Variants in SUPT6H observed in about 807,000 individuals in gnomAD.
The protein encoded by SUPT6H is transcription elongation factor SPT6.
SUPT6H carries 11 observed loss-of-function variants against 222.3 expected under a neutral mutation model. The observed-to-expected ratio is 0.05, with a 90% CI of 0.03 to 0.08. The LOEUF (loss-of-function observed/expected upper bound fraction) is 0.08, where lower values mean the gene tolerates loss of function less well. Ranked by LOEUF, SUPT6H falls within the 10% of genes least tolerant of loss-of-function variation. The pLI, the probability that SUPT6H is intolerant of heterozygous loss-of-function variation, is 1.00. For synonymous variants in SUPT6H, 762 were observed against 801.2 expected, an observed-to-expected ratio of 0.95 and a Z score of 0.83; for missense variants, 1,422 against 2,216.0, an observed-to-expected ratio of 0.64 and a Z score of 7.19.
chr17:28,684,079 G>A (rs752275522), intron 17 of SUPT6H, among the ~76,000 whole-genome samples: 1 of 151,934 alleles, frequency 6.6e-6, no homozygotes. Flanking sequence ...AGCCAGGATG[G>A]TCTCAATCTC....
chr17:28,675,298 C>T, intron 5 of SUPT6H, 103 bp from the exon 6 acceptor site: 1 of 1,484,062 alleles, frequency 6.7e-7, no homozygotes, highest in Non-Finnish European at 9.3e-7. Context: ...CAGGAGCTTC[C>T]CTTCTCTGTT....
chr17:28,675,735 T>G, intron 6 of SUPT6H, among the ~76,000 whole-genome samples: 1 of 152,248 alleles, frequency 6.6e-6, no homozygotes, highest in Non-Finnish European at 1.5e-5. Flanking sequence ...AGCATTCCTC[T>G]TCCGCCTACA....
At position 28,683,672 on chromosome 17, in the gene SUPT6H, A is replaced by T; in HGVS notation, c.2085A>T (p.Arg695=). ...YFEEIKQFYY[R]DEFSHQVQEW... is the part of the protein sequence containing the mutation. ...AGGAGATAAAACAGTTTTACTACCGAGATGAGTTCAGCCACCAGGTGCAGG... is the reference window on the plus strand; with the variant it reads ...AGGAGATAAAACAGTTTTACTACCGTGATGAGTTCAGCCACCAGGTGCAGG... The change falls in exon 17 of 37, where the codon CGA becomes CGT. Residue 695 remains arginine, a synonymous_variant. Coordinates refer to ENST00000314616, the MANE Select transcript of SUPT6H (RefSeq NM_003170.5). 6.2e-7 allele frequency: 1 copy of T among 1,614,174 alleles called. No homozygotes were observed.
intron 26 of SUPT6H, 113 bp downstream of exon 26, chr17:28,690,342 G>A: frequency 7.6e-7 from 1 of 1,312,468 alleles, no homozygotes. Flanking sequence ...ACATGGGGAA[G>A]GCCAGGAGAG....
chr17:28,674,645 G>T, intron 4 of SUPT6H, 32 bp downstream of exon 4: 2 of 1,606,408 alleles, frequency 1.2e-6, no homozygotes, highest in Non-Finnish European at 8.5e-7. Context: ...TTGTCCCTGG[G>T]GGTAAAGGAA....
Position 28,697,719 on chromosome 17 carries a change from G to A in SUPT6H, c.4309G>A (p.Gly1437Ser), listed in dbSNP as rs190961772. ...TCACAAGTATTATCAGGACTGCAGCGGTGGGGACCGCAAGGTAAGCCCAGG... is the reference window on the plus strand; with the variant it reads ...TCACAAGTATTATCAGGACTGCAGCAGTGGGGACCGCAAGGTAAGCCCAGG... ...LNHKYYQDCSGGDRKKLEELL... is the reference protein window; with the variant it reads ...LNHKYYQDCSSGDRKKLEELL... The change falls in exon 31 of 37, where the codon GGT (glycine) becomes AGT (serine). Residue 1437 changes from glycine (G) to serine (S), a missense_variant. Physicochemically the swap from Gly to Ser is moderately conservative, Grantham distance 56. Transcript: ENST00000314616. 78 of 1,614,174 alleles carry A rather than the reference G, an allele frequency of 4.8e-5. No individual in the cohort carries two copies. The highest frequency in any genetic ancestry group is 5.9e-5 in the Non-Finnish European group (70 of 1,180,014).
chr17:28,679,573 G>C (rs984387133), intron 11 of SUPT6H, among the ~76,000 whole-genome samples: 6 of 151,742 alleles, frequency 4.0e-5, no homozygotes, highest in Non-Finnish European at 5.9e-5. Flanking sequence ...GTAGAGACAG[G>C]GTTTCAGTGT....
chr17:28,667,288 G>A (rs532531755), intron 1 of SUPT6H, among the ~76,000 whole-genome samples: 2 of 144,968 alleles, frequency 1.4e-5, no homozygotes, highest in South Asian at 4.4e-4. Context: ...GGAGAATGGC[G>A]TGACCCCAGG....
chr17:28,699,727 T>A, intron 32 of SUPT6H, 54 bp from the exon 33 acceptor site: 1 of 1,483,838 alleles, frequency 6.7e-7, no homozygotes, highest in South Asian at 1.1e-5. Context: ...TTCTGGTCGC[T>A]CTTGTGGTGG....
chr17:28,684,497 T>C (rs1410356388), intron 17 of SUPT6H, 89 bp from the exon 18 acceptor site: 1 of 1,509,890 alleles, frequency 6.6e-7, no homozygotes, highest in Non-Finnish European at 9.1e-7. Context: ...CGCACATGTG[T>C]GTATGAGTGT....
At position 28,686,333 on chromosome 17, in the gene SUPT6H, A is replaced by G. The variant is rs199758481; in HGVS notation, c.2488-6A>G. The G allele has an allele frequency of 8.1e-6, 13 of 1,613,948 alleles. No individual in the cohort carries two copies. The highest frequency in any genetic ancestry group is 2.5e-6 in the Non-Finnish European group (3 of 1,179,928). The stretch of plus-strand genomic sequence containing the variant: ...GCCATTCAGCTTCAATTTTCTTTCA[A>G]TCCAGGCTCAAGACATTGAAACGCT... On this transcript the variant is annotated splice_polypyrimidine_tract_variant and splice_region_variant and intron_variant, in intron 19 of 36. Transcript: ENST00000314616.
intron 1 of SUPT6H, chr17:28,670,221 A>G (rs1024481807): frequency 6.6e-6 from 1 of 152,220 alleles, no homozygotes; most frequent in Non-Finnish European, 1.5e-5. Context: ...CACCTTGAAC[A>G]AATGACTACA....
intron 7 of SUPT6H, among the ~76,000 whole-genome samples, chr17:28,677,047 T>C (rs1330189575): frequency 6.9e-6 from 1 of 145,110 alleles, no homozygotes; most frequent in South Asian, 2.2e-4. Context: ...TGGCCAACAT[T>C]GTGAAACCCC....
In SUPT6H at chr17:28,674,284, T is replaced by G; in HGVS notation, c.111T>G (p.Asp37Glu). ...TKKFVEEEDDDEEEEEENLDD... is the reference protein window; with the variant it reads ...TKKFVEEEDDEEEEEEENLDD... Reference sequence around the variant, plus strand: ...GCCTCAAACATGCATGTCTTCCAGATGAGGAGGAGGAGGAGGAGAACCTAG... The same window carrying G: ...GCCTCAAACATGCATGTCTTCCAGAGGAGGAGGAGGAGGAGGAGAACCTAG... Residue 37 changes from aspartate to glutamate, a missense_variant and splice_region_variant, in exon 3 of 37, where the codon GAT becomes GAG. Asp to Glu is a conservative substitution (Grantham distance 45). This residue lies in a region of SUPT6H where 89 missense variants were observed against 118.9 expected (regional missense o/e 0.75). Coordinates refer to ENST00000314616, the MANE Select transcript of SUPT6H (RefSeq NM_003170.5). 1.2e-6 allele frequency: 2 copies of G among 1,612,988 alleles called. No homozygotes were observed. Among genetic ancestry groups the G allele is most frequent in the Non-Finnish European group, 1.7e-6 (2 of 1,179,344 alleles).
intron 12 of SUPT6H, 38 bp from the exon 13 acceptor site, chr17:28,681,844 A>G: frequency 6.4e-7 from 1 of 1,562,226 alleles, no homozygotes; most frequent in Non-Finnish European, 8.7e-7. Context: ...GAGTGATTGG[A>G]AACTAGAACC....
At chr17:28,685,466 TATTATC>T (rs1242189531) in intron 19 of SUPT6H, among the ~76,000 whole-genome samples, 3 of 113,640 alleles carry the variant, frequency 2.6e-5, no homozygotes, top group East Asian at 2.6e-4. Context: ...TAAATTTTAT[TATTATC>T]ATTATTATTA....
rs2031239025 is a variant in SUPT6H, at chr17:28,683,753, T to C, written c.2166T>C (p.Tyr722=). The change falls in exon 17 of 37, where the codon TAT becomes TAC. Residue 722 remains tyrosine, a synonymous_variant. Coordinates refer to ENST00000314616, the MANE Select transcript of SUPT6H (RefSeq NM_003170.5). The part of the protein sequence containing the change: ...AIERALQQFL[Y]VQMAKELKNK... ...AACGGGCTTTACAGCAGTTCCTCTA[T>C]GTGCAGATGGCCAAAGAACTCAAGA... The C allele has an allele frequency of 1.2e-6, 2 of 1,613,916 alleles. No individual in the cohort carries two copies. The highest frequency in any genetic ancestry group is 1.7e-6 in the Non-Finnish European group (2 of 1,180,012).
Position 28,688,737 on chromosome 17 carries a change from C to G in SUPT6H, c.3134+519C>G, listed in dbSNP as rs1293268924. On this transcript the variant is annotated intron_variant, in intron 24 of 36. Coordinates refer to ENST00000314616, the MANE Select transcript of SUPT6H (RefSeq NM_003170.5). The surrounding 1 kb of genome is among the most constrained non-coding windows in gnomAD (Gnocchi z 4.3). ...GGATCTTTTCCACGGGCACATAGCT[C>G]CTCATTCAGTAATGGAAATCAGTGG... 1 of 154,262 alleles carries G rather than the reference C, an allele frequency of 6.5e-6. No homozygotes were observed. The highest frequency in any genetic ancestry group is 6.4e-5 in the Admixed American group (1 of 15,510). The allele number at this position is 154,262 out of a possible 1,614,324, so 9.6% of individuals were successfully genotyped here.
intron 29 of SUPT6H, 90 bp downstream of exon 29, chr17:28,695,637 T>G: frequency 7.0e-7 from 1 of 1,423,064 alleles, no homozygotes; most frequent in Non-Finnish European, 9.5e-7. Flanking sequence ...CATGTGTCAG[T>G]CTCCCAGTGG....
Sources: allele counts gnomAD v4.1 joint callset (sites outside exome capture counted in the v4.1 genomes callset), GRCh38; gene constraint gnomAD v4.1.1; regional missense constraint gnomAD v4.1.1; non-coding constraint Gnocchi (gnomAD v3.1); transcripts MANE v1.5; gene names NCBI Gene and HGNC (gene_info 2026-07-23, HGNC 2026-07-21).